NEIL1: variants seen among roughly 807,000 people sequenced by gnomAD.
NEIL1 encodes the protein nei like DNA glycosylase 1.
Under a neutral mutation model 44.2 loss-of-function variants are expected in NEIL1, and 31 were observed. That is an observed-to-expected ratio of 0.70 (90% CI 0.53 to 0.95). The LOEUF is 0.95. Among genes scored for constraint, NEIL1 ranks in the 40% least tolerant of loss-of-function variants. NEIL1 has a pLI of 0.00. For synonymous variants in NEIL1, 254 were observed against 209.7 expected (o/e 1.21, Z -1.83); for missense variants, 549 against 515.5 (o/e 1.07, Z -0.63).
In NEIL1 at chr15:75,352,126, A is replaced by C; in HGVS notation, c.450A>C (p.Arg150=). 1.2e-6 allele frequency: 2 copies of C among 1,614,242 alleles called. No homozygotes were observed. The highest frequency in any genetic ancestry group is 1.7e-6 in the Non-Finnish European group (2 of 1,180,030). The change falls in exon 3 of 10, where the codon CGA becomes CGC. Residue 150 remains arginine, a synonymous_variant. Transcript: ENST00000355059. ...GTTCCTCCAGGGAGAATGTGCTACG[A>C]AACCTAGCGGATAAGGCCTTTGACC... is the stretch of plus-strand genomic sequence containing the variant. The part of the protein sequence containing the change: ...EYQQFRENVL[R]NLADKAFDRP...
rs1381667292 is a variant in NEIL1, at chr15:75,356,302, T to G, written c.*1268T>G. ...TCCCCAGCACGTCCCACCCCTTGCC[T>G]GCTTGACGGTCTCCAATACGACCGC... On this transcript the variant is annotated 3_prime_UTR_variant, in exon 10 of 10. Coordinates refer to ENST00000355059, the MANE Select transcript of NEIL1 (RefSeq NM_024608.4). The surrounding 1 kb of genome is among the most constrained non-coding windows in gnomAD (Gnocchi z 5.8). The G allele has an allele frequency of 1.2e-6, 2 of 1,610,450 alleles. No homozygotes were observed. Among genetic ancestry groups the G allele is most frequent in the Non-Finnish European group, 1.7e-6 (2 of 1,179,018 alleles).
At chr15:75,349,598 G>A (rs1051727019) in intron 2 of NEIL1, 11 of 499,972 alleles carry the variant, frequency 2.2e-5, no homozygotes, top group Middle Eastern at 5.3e-4. Context: ...GGCAGATCAC[G>A]AGGTCAGGAG....
chr15:75,354,525 A>G (rs1316598608), intron 8 of NEIL1, 33 bp downstream of exon 8: 1 of 1,613,650 alleles, frequency 6.2e-7, no homozygotes, highest in Non-Finnish European at 8.5e-7. Context: ...CCTCCCCTGC[A>G]CTCTGCAGCC....
Position 75,352,238 on chromosome 15 carries a change from A to C in NEIL1, c.554+8A>C. Reference sequence around the variant, plus strand: ...GGCAGAGATCCTGTACCGGTCAGCAAGCAGGCATGGGCATGGGGACTGCGG... The same window carrying C: ...GGCAGAGATCCTGTACCGGTCAGCACGCAGGCATGGGCATGGGGACTGCGG... On this transcript the variant is annotated splice_region_variant and intron_variant, in intron 3 of 9. Transcript: ENST00000355059. 4.3e-6 allele frequency: 7 copies of C among 1,614,260 alleles called. No homozygotes were observed. Among genetic ancestry groups the C allele is most frequent in the Non-Finnish European group, 5.9e-6 (7 of 1,180,040 alleles).
In NEIL1 at chr15:75,348,567, G is replaced by A. The variant is rs979432493; in HGVS notation, c.-22-317G>A. 3.2e-5 allele frequency: 39 copies of A among 1,213,280 alleles called. No homozygotes were observed. In the Admixed American group the frequency reaches 3.5e-4, roughly 11 times the overall value. The allele number at this position is 1,213,280 out of a possible 1,614,324, so 75.2% of individuals were successfully genotyped here. On this transcript the variant is annotated intron_variant, in intron 1 of 9. Coordinates refer to ENST00000355059, the MANE Select transcript of NEIL1 (RefSeq NM_024608.4). ...GAGATCCGTGAGTGAGGGGAGCCGGGAAGAAGTAAGGCTGCAGCCGCGGCC... is the reference window on the plus strand; with the variant it reads ...GAGATCCGTGAGTGAGGGGAGCCGGAAAGAAGTAAGGCTGCAGCCGCGGCC...
At chr15:75,347,839 T>C (rs948194954) in intron 1 of NEIL1, 2 of 1,173,708 alleles carry the variant, frequency 1.7e-6, no homozygotes, top group Non-Finnish European at 2.2e-6. Context: ...AACTAGGATT[T>C]GGAGCCTCAC....
At position 75,349,238 on chromosome 15, in the gene NEIL1, C is replaced by G; in HGVS notation, c.333C>G (p.Ala111=). 1 of 1,610,864 alleles carries G rather than the reference C, an allele frequency of 6.2e-7. No homozygotes were observed. Among genetic ancestry groups the G allele is most frequent in the South Asian group, 1.1e-5 (1 of 91,066 alleles). Residue 111 remains alanine, a synonymous_variant, in exon 2 of 10, where the codon GCC becomes GCG. Transcript: ENST00000355059. ...CGGCCCCGCCTGGCCCCCGGCTCGCCCTATGTTTCGTGGACATCCGCCGGT... is the reference window on the plus strand; with the variant it reads ...CGGCCCCGCCTGGCCCCCGGCTCGCGCTATGTTTCGTGGACATCCGCCGGT... ...FYTAPPGPRL[A]LCFVDIRRFG...
In NEIL1 at chr15:75,349,093, TGCCTGGGGCCCA is replaced by T; in HGVS notation, c.192_203del (p.Gly65_Pro68del). The T allele has an allele frequency of 6.2e-7, 1 of 1,612,570 alleles. No individual in the cohort carries two copies. Among genetic ancestry groups the T allele is most frequent in the Non-Finnish European group, 8.5e-7 (1 of 1,179,926 alleles). On this transcript the variant is annotated inframe_deletion, in exon 2 of 10. Transcript: ENST00000355059. ...GAGCTGCGCCTGATACTGAGCCCTC[TGCCTGGGGCCCA>T]GCCCCAACAGGAGCCACTGGCCCTG...
chr15:75,348,748 G>A (rs1299692210), intron 1 of NEIL1, 136 bp from the exon 2 acceptor site: 4 of 1,451,832 alleles, frequency 2.8e-6, no homozygotes, highest in Non-Finnish European at 3.6e-6. Flanking sequence ...GCCGTGGCCA[G>A]GCCCGCACTT....
chr15:75,354,185 C>T, intron 6 of NEIL1, 65 bp from the exon 7 acceptor site: 1 of 1,577,014 alleles, frequency 6.3e-7, no homozygotes, highest in Admixed American at 1.7e-5. Flanking sequence ...AGTCCTGCCT[C>T]TCCAAGGAAT....
intron 2 of NEIL1, 165 bp downstream of exon 2, chr15:75,349,504 G>T: frequency 1.4e-6 from 1 of 695,384 alleles, no homozygotes; most frequent in Non-Finnish European, 2.3e-6. Flanking sequence ...CCCTGAGCCA[G>T]TGGGCATGGA....
At position 75,347,700 on chromosome 15, in the gene NEIL1, T is replaced by A. The variant is rs1595847882; in HGVS notation, c.-23+227T>A. 19 of 604,598 alleles carry A rather than the reference T, an allele frequency of 3.1e-5. 1 individual carries two copies. The South Asian group carries it at 8.3e-4, about 26-fold the overall frequency. 37.5% of individuals were successfully genotyped at this position (604,598 alleles called of 1,614,324 possible). ...GCGTGCAGGATCGGGTTGTGGGGGG[T>A]GCGCTGTAGGGCTAAGGAGAAGATG... is the stretch of plus-strand genomic sequence containing the variant. On this transcript the variant is annotated intron_variant, in intron 1 of 9. Coordinates refer to ENST00000355059, the MANE Select transcript of NEIL1 (RefSeq NM_024608.4).
chr15:75,349,236 G>T lies in NEIL1; in HGVS notation c.331G>T (p.Ala111Ser). ...CACGGCCCCGCCTGGCCCCCGGCTCGCCCTATGTTTCGTGGACATCCGCCG... is the reference window on the plus strand; with the variant it reads ...CACGGCCCCGCCTGGCCCCCGGCTCTCCCTATGTTTCGTGGACATCCGCCG... Reference protein sequence around the residue: ...FYTAPPGPRLALCFVDIRRFG... With the variant: ...FYTAPPGPRLSLCFVDIRRFG... Residue 111 changes from alanine to serine, a missense_variant, in exon 2 of 10, where the codon GCC becomes TCC. By Grantham distance (99) the Ala-to-Ser change is moderately conservative. Coordinates refer to ENST00000355059, the MANE Select transcript of NEIL1 (RefSeq NM_024608.4). 1 of 1,610,502 alleles carries T rather than the reference G, an allele frequency of 6.2e-7. No individual in the cohort carries two copies.
At position 75,353,790 on chromosome 15, in the gene NEIL1, G is replaced by A. The variant is rs763703654; in HGVS notation, c.770G>A (p.Arg257Gln). The change falls in exon 6 of 10, where the codon CGA (arginine) becomes CAA (glutamine). Residue 257 changes from arginine (R) to glutamine (Q), a missense_variant. Physicochemically the swap from Arg to Gln is conservative, Grantham distance 43 (BLOSUM62 1). Coordinates refer to ENST00000355059, the MANE Select transcript of NEIL1 (RefSeq NM_024608.4). ...GGGGAGGAGGACTTTGCTGCCTTTCGAGCCTGGCTGCGCTGCTATGGCATG... is the reference window on the plus strand; with the variant it reads ...GGGGAGGAGGACTTTGCTGCCTTTCAAGCCTGGCTGCGCTGCTATGGCATG... ...ESGEEDFAAFRAWLRCYGMPG... is the reference protein window; with the variant it reads ...ESGEEDFAAFQAWLRCYGMPG... 8 of 1,613,944 alleles carry A rather than the reference G, an allele frequency of 5.0e-6. No homozygotes were observed. Among genetic ancestry groups the A allele is most frequent in the African/African-American group, 2.7e-5 (2 of 74,930 alleles).
chr15:75,352,721 C>T lies in NEIL1; in HGVS notation c.718+20C>T. 6.3e-7 allele frequency: 1 copy of T among 1,578,346 alleles called. No individual in the cohort carries two copies. Among genetic ancestry groups the T allele is most frequent in the Non-Finnish European group, 8.7e-7 (1 of 1,154,156 alleles). On this transcript the variant is annotated intron_variant, in intron 5 of 9. Coordinates refer to ENST00000355059, the MANE Select transcript of NEIL1 (RefSeq NM_024608.4). ...AGTTGGGTGAGGCCAAAGATGGCAG[C>T]AACCTCTGCTTCAGCAAATGATTGT...
In NEIL1 at chr15:75,352,152, G is replaced by C. The variant is rs769880000; in HGVS notation, c.476G>C (p.Arg159Pro). Residue 159 changes from arginine (R) to proline (P), a missense_variant, in exon 3 of 10, where the codon CGG becomes CCG. Transcript: ENST00000355059. ...LRNLADKAFD[R>P]PICEALLDQR... ...AACCTAGCGGATAAGGCCTTTGACC[G>C]GCCCATCTGCGAGGCCCTCCTGGAC... The C allele has an allele frequency of 6.2e-7, 1 of 1,614,124 alleles. No individual in the cohort carries two copies. The highest frequency in any genetic ancestry group is 8.5e-7 in the Non-Finnish European group (1 of 1,179,986).
rs1446881322 is a variant in NEIL1, at chr15:75,347,266, C to T, written c.-230C>T. ...CCCTAGGGCCTGTGCGTACCGCGCA[C>T]CTGTGCACGTCCTGCGCGCAGCTGC... On this transcript the variant is annotated 5_prime_UTR_variant, in exon 1 of 10. Coordinates refer to ENST00000355059, the MANE Select transcript of NEIL1 (RefSeq NM_024608.4). 6.6e-6 allele frequency: 1 copy of T among 152,440 alleles called. No individual in the cohort carries two copies. The highest frequency in any genetic ancestry group is 2.4e-5 in the African/African-American group (1 of 41,472). 9.4% of individuals were successfully genotyped at this position (152,440 alleles called of 1,614,324 possible). A position where few individuals can be genotyped will look rare whatever the true frequency, so the allele number is the denominator to read the frequency against.
Position 75,348,621 on chromosome 15 carries a change from G to C in NEIL1, c.-22-263G>C. ...CAAGGATTGGGACTTTCGTCTAAAC[G>C]CGGTGGAAGCCCATGGAAGGAAGCG... is the stretch of plus-strand genomic sequence containing the variant. On this transcript the variant is annotated intron_variant, in intron 1 of 9. Transcript: ENST00000355059. The C allele has an allele frequency of 3.0e-6, 4 of 1,341,028 alleles. No homozygotes were observed. The South Asian group carries it at 7.4e-5, about 25-fold the overall frequency. 83.1% of individuals were successfully genotyped at this position (1,341,028 alleles called of 1,614,324 possible).
At chr15:75,350,174 T>G (rs2071771876) in intron 2 of NEIL1, among the ~76,000 whole-genome samples, 1 of 152,218 alleles carries the variant, frequency 6.6e-6, no homozygotes, top group African/African-American at 2.4e-5. Context: ...ACCTGGGATG[T>G]GATGCAGGTC....
Sources: gnomAD v4.1 joint callset for allele counts (sites outside exome capture counted in the v4.1 genomes callset) on GRCh38, gnomAD v4.1.1 for gene constraint, Gnocchi (gnomAD v3.1) non-coding constraint, MANE v1.5 for transcripts, NCBI Gene and HGNC (gene_info 2026-07-23, HGNC 2026-07-21) for gene names.